Variants in MAGI2 observed in about 807,000 individuals in gnomAD.
MAGI2 encodes membrane associated guanylate kinase, WW and PDZ domain containing 2.
A neutral mutation model predicts 133.3 loss-of-function variants in MAGI2; 35 were observed. The observed-to-expected ratio is 0.26, with a 90% CI of 0.20 to 0.35. MAGI2 has a LOEUF of 0.35. Ranked by LOEUF, MAGI2 falls within the 10% of genes least tolerant of loss-of-function variation. The probability of loss-of-function intolerance (pLI) is 1.00; values close to 1 mark genes in which losing one functional copy is unlikely to be tolerated. For missense variants in MAGI2, 1,636 were observed against 1,863.4 expected (o/e 0.88, Z 2.25); for synonymous variants, 729 against 710.6 (o/e 1.03, Z -0.41).
intron 9 of MAGI2, among the ~76,000 whole-genome samples, chr7:78,308,185 G>C (rs1448795224): frequency 1.3e-5 from 2 of 152,168 alleles, no homozygotes; most frequent in African/African-American, 4.8e-5. Context: ...TGTGATATAG[G>C]AGAGCTTCCT....
chr7:79,315,227 C>T (rs952871864), intron 1 of MAGI2, among the ~76,000 whole-genome samples: 19 of 148,718 alleles, frequency 1.3e-4, no homozygotes, highest in Admixed American at 1.0e-3. Flanking sequence ...GGCATGATCT[C>T]GGCTCACTGC....
rs1349731735 is a variant in MAGI2, at chr7:78,255,827, T to C, written c.2047+116A>G. On this transcript the variant is annotated intron_variant, in intron 10 of 21. Coordinates refer to ENST00000354212, the MANE Select transcript of MAGI2 (RefSeq NM_012301.4). ...TTTTTCTCTCTCACTCTTTAAGCTT[T>C]ATTTTTTAAAGTATAATTTCATTCA... 2.7e-6 allele frequency: 3 copies of C among 1,106,822 alleles called. No homozygotes were observed. In the Admixed American group the frequency reaches 6.7e-5, roughly 25 times the overall value. 68.6% of individuals were successfully genotyped at this position (1,106,822 alleles called of 1,614,324 possible). A position where few individuals can be genotyped will look rare whatever the true frequency, so the allele number is the denominator to read the frequency against.
rs572762716 is a variant in MAGI2 at position 78,557,445 on chromosome 7, A to G, written c.539-35800T>C. 1.6e-4 allele frequency among the ~76,000 whole-genome samples: 24 copies of G among 152,268 alleles called. No homozygotes were observed. In the South Asian group the frequency reaches 4.2e-3, roughly 26 times the overall value. On this transcript the variant is annotated intron_variant, in intron 3 of 21. Coordinates refer to ENST00000354212, the MANE Select transcript of MAGI2 (RefSeq NM_012301.4). Reference sequence around the variant, plus strand: ...CCTTTCTTCCAGAGCAATTTTAGAGAGAAGGAATTTTTTGGCTATTCCCTT... The same window carrying G: ...CCTTTCTTCCAGAGCAATTTTAGAGGGAAGGAATTTTTTGGCTATTCCCTT...
intron 6 of MAGI2, among the ~76,000 whole-genome samples, chr7:78,407,820 A>T (rs1340627931): frequency 6.6e-6 from 1 of 151,846 alleles, no homozygotes; most frequent in African/African-American, 2.4e-5. Context: ...AGGTGCCTTT[A>T]TGTTAATTCT....
At chr7:78,220,773 T>A (rs779107253) in intron 10 of MAGI2, among the ~76,000 whole-genome samples, 3 of 152,220 alleles carry the variant, frequency 2.0e-5, no homozygotes, top group Admixed American at 6.5e-5. Context: ...TTTAATGATG[T>A]ACCATGAAAT....
intron 21 of MAGI2, chr7:78,065,696 C>G (rs1813736215): frequency 3.3e-6 from 2 of 612,986 alleles, no homozygotes; most frequent in Non-Finnish European, 5.8e-6. Context: ...TAGGACCAAT[C>G]ATTAGAATTA....
At chr7:78,642,649 T>A (rs1242377952) in intron 2 of MAGI2, among the ~76,000 whole-genome samples, 1 of 152,178 alleles carries the variant, frequency 6.6e-6, no homozygotes, top group East Asian at 1.9e-4. Flanking sequence ...ATATGAGAAA[T>A]TTTTTTATGT....
intron 1 of MAGI2, among the ~76,000 whole-genome samples, chr7:79,214,405 CTCTATATATATATATATATATA>C (rs1284394446): frequency 3.3e-5 from 1 of 30,508 alleles, no homozygotes; most frequent in Non-Finnish European, 5.6e-5. Context: ...CTCTCTCTCT[CTCTATATATATATATATATATA>C]TATATATATA....
At position 78,178,093 on chromosome 7, in the gene MAGI2, T is replaced by A; in HGVS notation, c.2321A>T (p.Tyr774Phe). 1.2e-6 allele frequency: 2 copies of A among 1,611,650 alleles called. No individual in the cohort carries two copies. Among genetic ancestry groups the A allele is most frequent in the Non-Finnish European group, 1.7e-6 (2 of 1,177,974 alleles). ...SFRMDSSGPD[Y>F]KELDVHLRRM... is the part of the protein sequence containing the mutation. ...CCGAAGATGAACATCCAATTCCTTA[T>A]AATCTGGACCTGGCATAAAGGAGAT... Residue 774 changes from tyrosine to phenylalanine, a missense_variant, in exon 14 of 22, where the codon TAT becomes TTT. Tyr to Phe is a conservative substitution (Grantham distance 22). Around this residue, in one of 5 missense-constraint regions of MAGI2, gnomAD observed 920 missense variants for 1,093.5 expected, o/e 0.84. Transcript: ENST00000354212.
At chr7:79,266,462 A>G (rs1022653787) in intron 1 of MAGI2, among the ~76,000 whole-genome samples, 14 of 152,106 alleles carry the variant, frequency 9.2e-5, no homozygotes, top group Admixed American at 2.6e-4. Context: ...ATTACTGAGC[A>G]GTTAAATGAG....
intron 3 of MAGI2, among the ~76,000 whole-genome samples, chr7:78,600,820 T>C (rs1348797854): frequency 2.0e-5 from 3 of 152,132 alleles, no homozygotes; most frequent in Non-Finnish European, 4.4e-5. Flanking sequence ...GTGAAATGTG[T>C]AAAATTGATA....
At chr7:78,928,396 C>A (rs1190538266) in intron 2 of MAGI2, among the ~76,000 whole-genome samples, 1 of 151,190 alleles carries the variant, frequency 6.6e-6, no homozygotes, top group African/African-American at 2.4e-5. Context: ...TTTATTCAGA[C>A]ACTAATTAAT....
chr7:78,866,590 T>C (rs537936157), intron 2 of MAGI2, among the ~76,000 whole-genome samples: 5 of 152,136 alleles, frequency 3.3e-5, no homozygotes, highest in Non-Finnish European at 5.9e-5. Context: ...GCTAGTTTCC[T>C]GCTTATCGGG....
intron 2 of MAGI2, among the ~76,000 whole-genome samples, chr7:78,635,199 C>T (rs1172615341): frequency 1.3e-5 from 2 of 152,144 alleles, no homozygotes; most frequent in Non-Finnish European, 2.9e-5. Context: ...CACATGGAAG[C>T]GACTTGTCAT....
Position 78,933,009 on chromosome 7 carries a change from C to T in MAGI2, c.418+74081G>A, listed in dbSNP as rs183195131. Among the ~76,000 whole-genome samples, 574 of 152,174 alleles carry T rather than the reference C, an allele frequency of 3.8e-3. 10 individuals carry two copies. Among genetic ancestry groups the T allele is most frequent in the Admixed American group, 0.029 (440 of 15,260 alleles). ...TTGTTGTGACAGGCAAATCTTGCAT[C>T]CTTGCTATTTTCAAGGAGTAAAATT... On this transcript the variant is annotated intron_variant, in intron 2 of 21. Coordinates refer to ENST00000354212, the MANE Select transcript of MAGI2 (RefSeq NM_012301.4).
At chr7:78,434,333 A>G (rs1222884475) in intron 6 of MAGI2, among the ~76,000 whole-genome samples, 1 of 152,194 alleles carries the variant, frequency 6.6e-6, no homozygotes, top group Non-Finnish European at 1.5e-5. Flanking sequence ...CTCAAATTTA[A>G]TTGTTACACA....
intron 3 of MAGI2, among the ~76,000 whole-genome samples, chr7:78,578,745 CCT>C (rs1360737996): frequency 6.6e-6 from 1 of 152,042 alleles, no homozygotes; most frequent in African/African-American, 2.4e-5. Context: ...ACCTTGTATT[CCT>C]CTATTTGAAT....
At chr7:78,093,220 G>T (rs776013258) in intron 20 of MAGI2, among the ~76,000 whole-genome samples, 24 of 151,128 alleles carry the variant, frequency 1.6e-4, no homozygotes, top group Non-Finnish European at 3.2e-4. Flanking sequence ...CACTTTGGGA[G>T]GCCAAAGTGG....
At chr7:79,171,010 A>ATGTT (rs544059548) in intron 1 of MAGI2, among the ~76,000 whole-genome samples, 6 of 152,036 alleles carry the variant, frequency 3.9e-5, no homozygotes, top group Non-Finnish European at 5.9e-5. Flanking sequence ...CATAATGTTT[A>ATGTT]TGTTTGTTTG....
Sources: gnomAD v4.1 joint callset for allele counts (sites outside exome capture counted in the v4.1 genomes callset) on GRCh38, gnomAD v4.1.1 for gene constraint, gnomAD v4.1.1 regional missense constraint, MANE v1.5 for transcripts, NCBI Gene and HGNC (gene_info 2026-07-23, HGNC 2026-07-21) for gene names.